MTPN: variants seen among roughly 807,000 people sequenced by gnomAD.
The protein encoded by MTPN is myotrophin.
In MTPN, 2 loss-of-function variants were observed where a neutral mutation model predicts 13.5. The ratio of observed to expected loss-of-function variants is 0.15; its 90% confidence interval spans 0.06 to 0.47. The LOEUF (loss-of-function observed/expected upper bound fraction) is 0.47, where lower values mean the gene tolerates loss of function less well. MTPN is among the 20% of genes least tolerant of loss of function. The pLI is 0.97. For missense variants in MTPN, 79 were observed against 137.9 expected, an observed-to-expected ratio of 0.57 and a Z score of 2.14; for synonymous variants, 46 against 51.7, an observed-to-expected ratio of 0.89 and a Z score of 0.48.
chr7:135,971,889 T>C (rs561567890), intron 1 of MTPN, among the ~76,000 whole-genome samples: 2 of 152,314 alleles, frequency 1.3e-5, no homozygotes, highest in South Asian at 4.1e-4. Context: ...GGAACATAAA[T>C]TATAAGGTTA....
At chr7:135,960,486 C>T (rs745567325) in intron 1 of MTPN, among the ~76,000 whole-genome samples, 10 of 151,990 alleles carry the variant, frequency 6.6e-5, no homozygotes, top group Non-Finnish European at 1.0e-4. Flanking sequence ...TCCTCACATC[C>T]TAACTGCTAG....
chr7:135,951,811 G>A (rs1461277722), intron 1 of MTPN, among the ~76,000 whole-genome samples, 181 bp from the exon 2 acceptor site: 1 of 152,130 alleles, frequency 6.6e-6, no homozygotes, highest in Non-Finnish European at 1.5e-5. Context: ...TTAACATACA[G>A]TATGATGGAA....
chr7:135,950,548 T>G, intron 3 of MTPN, 51 bp downstream of exon 3: 1 of 1,348,810 alleles, frequency 7.4e-7, no homozygotes, highest in South Asian at 1.2e-5. Context: ...ATCAAATACT[T>G]GGCTTAAACA....
chr7:135,930,145 C>A, intron 3 of MTPN, 133 bp from the exon 4 acceptor site: 2 of 673,580 alleles, frequency 3.0e-6, no homozygotes, highest in South Asian at 4.0e-5. Context: ...GTCTATTCTA[C>A]TGCAGAAAAA....
chr7:135,944,980 T>C (rs1220302410), intron 3 of MTPN, among the ~76,000 whole-genome samples: 1 of 152,236 alleles, frequency 6.6e-6, no homozygotes, highest in Non-Finnish European at 1.5e-5. Context: ...ACGTAGGATA[T>C]ATGTTATAGC....
chr7:135,942,131 C>T (rs934743758), intron 3 of MTPN, among the ~76,000 whole-genome samples: 4 of 151,998 alleles, frequency 2.6e-5, no homozygotes, highest in East Asian at 3.9e-4. Flanking sequence ...TCAGGTGATC[C>T]GCCCGCCTCG....
At chr7:135,975,325 C>A (rs749331425) in intron 1 of MTPN, among the ~76,000 whole-genome samples, 2 of 152,182 alleles carry the variant, frequency 1.3e-5, no homozygotes, top group Non-Finnish European at 2.9e-5. Flanking sequence ...TACGCTTTCA[C>A]AATTAGATCT....
intron 3 of MTPN, among the ~76,000 whole-genome samples, chr7:135,931,384 G>C (rs1451713524): frequency 4.6e-5 from 7 of 152,146 alleles, no homozygotes; most frequent in Non-Finnish European, 5.9e-5. Flanking sequence ...TAAAATGCCT[G>C]AGCTGAGTCT....
At chr7:135,944,704 A>C (rs1452705202) in intron 3 of MTPN, among the ~76,000 whole-genome samples, 1 of 152,180 alleles carries the variant, frequency 6.6e-6, no homozygotes, top group African/African-American at 2.4e-5. Context: ...TAGTGTATTA[A>C]TACTACAGGC....
At position 135,977,173 on chromosome 7, in the gene MTPN, G is replaced by T; in HGVS notation, c.-73C>A. On this transcript the variant is annotated 5_prime_UTR_variant, in exon 1 of 4. Coordinates refer to ENST00000393085, the MANE Select transcript of MTPN (RefSeq NM_145808.4). ...GTGGCAGCAGCAAGCGGATGCCGCC[G>T]GGCGAGAGGGAGGCAGGGCCGCGCG... 6.7e-7 allele frequency: 1 copy of T among 1,493,514 alleles called. No individual in the cohort carries two copies. Among genetic ancestry groups the T allele is most frequent in the Non-Finnish European group, 9.3e-7 (1 of 1,073,374 alleles). The allele number at this position is 1,493,514 out of a possible 1,614,324, so 92.5% of individuals were successfully genotyped here. A position where few individuals can be genotyped will look rare whatever the true frequency, so the allele number is the denominator to read the frequency against.
chr7:135,958,433 G>A (rs1448141023), intron 1 of MTPN, among the ~76,000 whole-genome samples: 6 of 152,134 alleles, frequency 3.9e-5, no homozygotes. Flanking sequence ...TAGGGTCTTT[G>A]AAAGTTATAC....
intron 3 of MTPN, among the ~76,000 whole-genome samples, chr7:135,949,063 A>G (rs964058346): frequency 2.0e-5 from 3 of 152,212 alleles, no homozygotes; most frequent in Non-Finnish European, 4.4e-5. Context: ...AAATAAAAAA[A>G]TCAGATCATG....
chr7:135,976,889 T>C, intron 1 of MTPN, 140 bp downstream of exon 1: 1 of 795,526 alleles, frequency 1.3e-6, no homozygotes, highest in South Asian at 1.6e-5. Context: ...TAGACGCCCC[T>C]CTCTCCTTGG....
In MTPN at chr7:135,929,671, G is replaced by A; in HGVS notation, c.*255C>T. 1 of 497,184 alleles carries A rather than the reference G, an allele frequency of 2.0e-6. No homozygotes were observed. The highest frequency in any genetic ancestry group is 3.8e-6 in the Non-Finnish European group (1 of 263,244). The allele number at this position is 497,184 out of a possible 1,614,324, so 30.8% of individuals were successfully genotyped here. Reference sequence around the variant, plus strand: ...CTTTGCTCTCCCTTGGGTATAAGGTGTATATTTTATTAGAAAGGGAAGAGG... The same window carrying A: ...CTTTGCTCTCCCTTGGGTATAAGGTATATATTTTATTAGAAAGGGAAGAGG... On this transcript the variant is annotated 3_prime_UTR_variant, in exon 4 of 4. Coordinates refer to ENST00000393085, the MANE Select transcript of MTPN (RefSeq NM_145808.4).
chr7:135,974,873 G>GT (rs1799749348), intron 1 of MTPN, among the ~76,000 whole-genome samples: 1 of 152,172 alleles, frequency 6.6e-6, no homozygotes, highest in African/African-American at 2.4e-5. Flanking sequence ...AATGGGCACC[G>GT]TAAGGGAGCT....
chr7:135,930,502 A>C (rs1206915953), intron 3 of MTPN, among the ~76,000 whole-genome samples: 1 of 152,168 alleles, frequency 6.6e-6, no homozygotes, highest in East Asian at 1.9e-4. Flanking sequence ...CTTCGCAGTA[A>C]ATGCCTGAGA....
rs1799351174 is a variant in MTPN, at chr7:135,950,579, C to T, written c.270+20G>A. 1.9e-6 allele frequency: 3 copies of T among 1,567,736 alleles called. No homozygotes were observed. Among genetic ancestry groups the T allele is most frequent in the African/African-American group, 2.7e-5 (2 of 73,584 alleles). On this transcript the variant is annotated intron_variant, in intron 3 of 3. Coordinates refer to ENST00000393085, the MANE Select transcript of MTPN (RefSeq NM_145808.4). ...AAACACAGTAATAGAAAAAGCAATA[C>T]TATTAGCAATTGACCTCACCTTTGA...
intron 3 of MTPN, among the ~76,000 whole-genome samples, chr7:135,938,688 A>G (rs1057119893): frequency 6.6e-6 from 1 of 152,236 alleles, no homozygotes; most frequent in African/African-American, 2.4e-5. Flanking sequence ...TAAATCAGAA[A>G]CAGAAAACAG....
chr7:135,948,280 A>C (rs1330968078), intron 3 of MTPN, among the ~76,000 whole-genome samples: 1 of 152,220 alleles, frequency 6.6e-6, no homozygotes, highest in African/African-American at 2.4e-5. Flanking sequence ...ATTAATTTTG[A>C]AAAAGCAGAA....
Sources: gnomAD v4.1 joint callset for allele counts (sites outside exome capture counted in the v4.1 genomes callset) on GRCh38, gnomAD v4.1.1 for gene constraint, MANE v1.5 for transcripts, NCBI Gene and HGNC (gene_info 2026-07-23, HGNC 2026-07-21) for gene names.